GABBR1: variants seen among roughly 807,000 people sequenced by gnomAD.
GABBR1 encodes gamma-aminobutyric acid type B receptor subunit 1.
A neutral mutation model predicts 117.7 loss-of-function variants in GABBR1; 35 were observed. That is an observed-to-expected ratio of 0.30 (90% confidence interval 0.23 to 0.39). GABBR1 has a LOEUF of 0.39. GABBR1 is among the 10% of genes least tolerant of loss of function. The pLI is 1.00. For synonymous variants in GABBR1, 442 were observed against 486.6 expected, an observed-to-expected ratio of 0.91 and a Z score of 1.21; for missense variants, 709 against 1,241.8, an observed-to-expected ratio of 0.57 and a Z score of 6.45.
At position 29,604,374 on chromosome 6, in the gene GABBR1, C is replaced by G; in HGVS notation, c.2712+120G>C. ...TCCTTACAGGTTGTCTCCTAGGACC[C>G]TCCCTCCATGAGCCAAGAACATCTG... On this transcript the variant is annotated intron_variant, in intron 22 of 22. Transcript: ENST00000377034. This position sits in a 1 kb window ranked among gnomAD's most constrained non-coding sequence, Gnocchi z 5.3. 2 of 1,262,032 alleles carry G rather than the reference C, an allele frequency of 1.6e-6. No homozygotes were observed. Among genetic ancestry groups the G allele is most frequent in the Non-Finnish European group, 2.3e-6 (2 of 873,296 alleles). The allele number at this position is 1,262,032 out of a possible 1,614,324, so 78.2% of individuals were successfully genotyped here.
At position 29,624,029 on chromosome 6, in the gene GABBR1, A is replaced by C; in HGVS notation, c.658-5T>G. 3.7e-6 allele frequency: 6 copies of C among 1,608,808 alleles called. No homozygotes were observed. Among genetic ancestry groups the C allele is most frequent in the Non-Finnish European group, 5.1e-6 (6 of 1,177,398 alleles). On this transcript the variant is annotated splice_region_variant and splice_polypyrimidine_tract_variant and intron_variant, in intron 6 of 22. Coordinates refer to ENST00000377034, the MANE Select transcript of GABBR1 (RefSeq NM_001470.4). ...GGTGGCTTGGCCTGGATCACACTGAAAGACAAGAGGAGATGAGGGCAAGCT... is the reference window on the plus strand; with the variant it reads ...GGTGGCTTGGCCTGGATCACACTGACAGACAAGAGGAGATGAGGGCAAGCT...
At chr6:29,618,045 C>T (rs559781160) in intron 11 of GABBR1, among the ~76,000 whole-genome samples, 1 of 152,272 alleles carries the variant, frequency 6.6e-6, no homozygotes, top group Admixed American at 6.5e-5. Flanking sequence ...CTAATCCATA[C>T]TCTTACCAGC....
intron 5 of GABBR1, chr6:29,628,191 AGGGGAGGGGG>A: frequency 5.6e-6 from 1 of 177,890 alleles, no homozygotes; most frequent in Non-Finnish European, 6.3e-6. Context: ...AGGGGCGGGG[AGGGGAGGGGG>A]GATGCAACCT....
chr6:29,613,714 G>A lies in GABBR1; in HGVS notation c.1324-229C>T, dbSNP rs1762791748. 6.6e-6 allele frequency among the ~76,000 whole-genome samples: 1 copy of A among 152,228 alleles called. No homozygotes were observed. Among genetic ancestry groups the A allele is most frequent in the African/African-American group, 2.4e-5 (1 of 41,452 alleles). On this transcript the variant is annotated intron_variant, in intron 11 of 22. Transcript: ENST00000377034. This position sits in a 1 kb window ranked among gnomAD's most constrained non-coding sequence, Gnocchi z 4.1. ...TAGCTGTGTCTGATGGTGTTAGTGT[G>A]TACAGTTGCTAGCTCAGAACTGCAA...
At chr6:29,608,575 A>G (rs1162473598) in intron 16 of GABBR1, 26 bp downstream of exon 16, 1 of 1,609,344 alleles carries the variant, frequency 6.2e-7, no homozygotes. Flanking sequence ...CACATCCTGT[A>G]AGGAATTTGC....
chr6:29,605,156 A>C lies in GABBR1; in HGVS notation c.2440-168T>G. On this transcript the variant is annotated intron_variant, in intron 20 of 22. Coordinates refer to ENST00000377034, the MANE Select transcript of GABBR1 (RefSeq NM_001470.4). This position sits in a 1 kb window ranked among gnomAD's most constrained non-coding sequence, Gnocchi z 4.2. ...TCAAATATAGATTGAGAAAAATCTC[A>C]AACTGTCCCAAACCAGTTTTCACTC... 2.7e-6 allele frequency: 2 copies of C among 735,642 alleles called. No individual in the cohort carries two copies. Among genetic ancestry groups the C allele is most frequent in the Non-Finnish European group, 4.3e-6 (2 of 468,732 alleles). The allele number at this position is 735,642 out of a possible 1,614,324, so 45.6% of individuals were successfully genotyped here.
Position 29,621,988 on chromosome 6 carries a change from A to G in GABBR1, c.1065+116T>C. On this transcript the variant is annotated intron_variant, in intron 9 of 22. Coordinates refer to ENST00000377034, the MANE Select transcript of GABBR1 (RefSeq NM_001470.4). The surrounding 1 kb of genome is among the most constrained non-coding windows in gnomAD (Gnocchi z 5.0). ...AGATGGAGCTAAACTTCCCCAGGAG[A>G]TGCTATTGCCTCAGAGAATCAAAAC... The G allele has an allele frequency of 9.5e-7, 1 of 1,051,680 alleles. No homozygotes were observed. Among genetic ancestry groups the G allele is most frequent in the Non-Finnish European group, 1.4e-6 (1 of 691,462 alleles). The allele number at this position is 1,051,680 out of a possible 1,614,324, so 65.1% of individuals were successfully genotyped here. A position where few individuals can be genotyped will look rare whatever the true frequency, so the allele number is the denominator to read the frequency against.
chr6:29,623,239 C>T lies in GABBR1; in HGVS notation c.963+66G>A, dbSNP rs1302329558. 17 of 1,448,122 alleles carry T rather than the reference C, an allele frequency of 1.2e-5. No homozygotes were observed. Among genetic ancestry groups the T allele is most frequent in the Non-Finnish European group, 1.5e-5 (16 of 1,052,496 alleles). 89.7% of individuals were successfully genotyped at this position (1,448,122 alleles called of 1,614,324 possible). ...TTCTTGCCCCTAAAAGTGACTCTCA[C>T]GTCACATCTCCTGGTGCTGGAATTT... is the stretch of plus-strand genomic sequence containing the variant. On this transcript the variant is annotated intron_variant, in intron 8 of 22. Coordinates refer to ENST00000377034, the MANE Select transcript of GABBR1 (RefSeq NM_001470.4). The surrounding 1 kb of genome is among the most constrained non-coding windows in gnomAD (Gnocchi z 6.2).
Position 29,621,203 on chromosome 6 carries a change from A to G in GABBR1, c.1221T>C (p.Ser407=), listed in dbSNP as rs1167919117. ...TCATCTCATCCACTGTGCAGTTGAT[A>G]GAAGGGTCGTAGATCTTGAACCAAT... ...ADNWFKIYDP[S]INCTVDEMTE... The change falls in exon 11 of 23, where the codon TCT becomes TCC. Residue 407 remains serine (S), a synonymous_variant. Coordinates refer to ENST00000377034, the MANE Select transcript of GABBR1 (RefSeq NM_001470.4). The surrounding 1 kb of genome is among the most constrained non-coding windows in gnomAD (Gnocchi z 5.0). 6.2e-7 allele frequency: 1 copy of G among 1,612,890 alleles called. No homozygotes were observed. Among genetic ancestry groups the G allele is most frequent in the Non-Finnish European group, 8.5e-7 (1 of 1,179,946 alleles).
chr6:29,603,559 T>C lies in GABBR1; in HGVS notation c.2870A>G (p.His957Arg), dbSNP rs1582942304. The C allele has an allele frequency of 6.3e-7, 1 of 1,582,580 alleles. No individual in the cohort carries two copies. Among genetic ancestry groups the C allele is most frequent in the Non-Finnish European group, 8.6e-7 (1 of 1,165,116 alleles). The change falls in exon 23 of 23, where the codon CAT becomes CGT. Residue 957 changes from histidine to arginine, a missense_variant. His to Arg is a conservative substitution (Grantham distance 29). Around this residue, in one of 9 missense-constraint regions of GABBR1, gnomAD observed 69 missense variants for 64.3 expected, o/e 1.07. Transcript: ENST00000377034. The stretch of plus-strand genomic sequence containing the variant: ...ACCCTACCCTCACTTATAAAGCAAA[T>C]GCACTCGACTCCCATCACAGCTAAG... ...DRLSCDGSRV[H>R]LLYK
Position 29,606,702 on chromosome 6 carries a change from C to T in GABBR1, c.2217+195G>A. Reference sequence around the variant, plus strand: ...GTTCTACACACCCTTCCCAGATTCCCACCCCTTCCTTTCTTCAGCTGAATC... The same window carrying T: ...GTTCTACACACCCTTCCCAGATTCCTACCCCTTCCTTTCTTCAGCTGAATC... On this transcript the variant is annotated intron_variant, in intron 18 of 22. Coordinates refer to ENST00000377034, the MANE Select transcript of GABBR1 (RefSeq NM_001470.4). The surrounding 1 kb of genome is among the most constrained non-coding windows in gnomAD (Gnocchi z 4.5). 6 of 632,808 alleles carry T rather than the reference C, an allele frequency of 9.5e-6. No homozygotes were observed. The highest frequency in any genetic ancestry group is 1.7e-5 in the Non-Finnish European group (6 of 362,058). The allele number at this position is 632,808 out of a possible 1,614,324, so 39.2% of individuals were successfully genotyped here. A position where few individuals can be genotyped will look rare whatever the true frequency, so the allele number is the denominator to read the frequency against.
Position 29,603,483 on chromosome 6 carries a change from C to T in GABBR1, c.*60G>A, listed in dbSNP as rs1447036307. ...ATGGGGACCCCCTGCTTCCTGAGTC[C>T]CCTGCCCTTCCCCTCTCCCTTTCCC... is the stretch of plus-strand genomic sequence containing the variant. On this transcript the variant is annotated 3_prime_UTR_variant, in exon 23 of 23. Coordinates refer to ENST00000377034, the MANE Select transcript of GABBR1 (RefSeq NM_001470.4). 6.8e-7 allele frequency: 1 copy of T among 1,461,046 alleles called. No individual in the cohort carries two copies. The highest frequency in any genetic ancestry group is 1.4e-5 in the African/African-American group (1 of 71,364). 90.5% of individuals were successfully genotyped at this position (1,461,046 alleles called of 1,614,324 possible).
Position 29,609,594 on chromosome 6 carries a change from G to C in GABBR1, c.1709-215C>G, listed in dbSNP as rs1487379820. On this transcript the variant is annotated intron_variant, in intron 14 of 22. Transcript: ENST00000377034. The surrounding 1 kb of genome is among the most constrained non-coding windows in gnomAD (Gnocchi z 4.3). ...GCCGTTAGGAAGCAACCAGAAATGAGATGAGAAGATGGAGTGAATGGTCTA... is the reference window on the plus strand; with the variant it reads ...GCCGTTAGGAAGCAACCAGAAATGACATGAGAAGATGGAGTGAATGGTCTA... Among the ~76,000 whole-genome samples the C allele has an allele frequency of 1.3e-5, 2 of 152,198 alleles. No individual in the cohort carries two copies. Among genetic ancestry groups the C allele is most frequent in the African/African-American group, 4.8e-5 (2 of 41,428 alleles).
chr6:29,612,264 C>T (rs1233985772), intron 13 of GABBR1, among the ~76,000 whole-genome samples: 1 of 151,910 alleles, frequency 6.6e-6, no homozygotes, highest in African/African-American at 2.4e-5. Context: ...ATCTGCCTGC[C>T]TTGGCCTCCC....
Position 29,602,974 on chromosome 6 carries a change from G to C in GABBR1, c.*569C>G, listed in dbSNP as rs916397947. On this transcript the variant is annotated 3_prime_UTR_variant, in exon 23 of 23. Coordinates refer to ENST00000377034, the MANE Select transcript of GABBR1 (RefSeq NM_001470.4). ...CATGTGTGCTGAGCGTGAGTGCACA[G>C]AGCAGAGGCAAGGAGCATGTGAGCC... is the stretch of plus-strand genomic sequence containing the variant. 1 of 456,700 alleles carries C rather than the reference G, an allele frequency of 2.2e-6. No homozygotes were observed. Among genetic ancestry groups the C allele is most frequent in the African/African-American group, 2.0e-5 (1 of 50,210 alleles). The allele number at this position is 456,700 out of a possible 1,614,324, so 28.3% of individuals were successfully genotyped here.
chr6:29,605,806 C>T lies in GABBR1; in HGVS notation c.2312-110G>A, dbSNP rs898993684. 7.5e-7 allele frequency: 1 copy of T among 1,338,402 alleles called. No homozygotes were observed. Among genetic ancestry groups the T allele is most frequent in the Non-Finnish European group, 1.0e-6 (1 of 980,280 alleles). The allele number at this position is 1,338,402 out of a possible 1,614,324, so 82.9% of individuals were successfully genotyped here. Reference sequence around the variant, plus strand: ...ACTCTGAAATGGAAAGGGGGCCCTCCTCTCCAATCCAACCCCTCTGACCTA... The same window carrying T: ...ACTCTGAAATGGAAAGGGGGCCCTCTTCTCCAATCCAACCCCTCTGACCTA... On this transcript the variant is annotated intron_variant, in intron 19 of 22. Coordinates refer to ENST00000377034, the MANE Select transcript of GABBR1 (RefSeq NM_001470.4). This position sits in a 1 kb window ranked among gnomAD's most constrained non-coding sequence, Gnocchi z 4.2.
intron 16 of GABBR1, 68 bp downstream of exon 16, chr6:29,608,533 A>T: frequency 6.6e-7 from 1 of 1,519,998 alleles, no homozygotes; most frequent in Non-Finnish European, 9.0e-7. Flanking sequence ...ATCATAAATC[A>T]TGGAAGGTGC....
At position 29,630,679 on chromosome 6, in the gene GABBR1, T is replaced by A. The variant is rs761226412; in HGVS notation, c.290-36A>T. 1.9e-6 allele frequency: 3 copies of A among 1,571,228 alleles called. No homozygotes were observed. The highest frequency in any genetic ancestry group is 2.6e-6 in the Non-Finnish European group (3 of 1,146,512). ...ATAGGAAAATAAGAAGAGAGGCGAG[T>A]TGAAGAAGGCTCTTTCCCTTTAAAG... On this transcript the variant is annotated intron_variant, in intron 3 of 22. Coordinates refer to ENST00000377034, the MANE Select transcript of GABBR1 (RefSeq NM_001470.4). The surrounding 1 kb of genome is among the most constrained non-coding windows in gnomAD (Gnocchi z 4.9).
chr6:29,608,497 G>C, intron 16 of GABBR1, 104 bp downstream of exon 16: 1 of 1,236,720 alleles, frequency 8.1e-7, no homozygotes, highest in South Asian at 1.4e-5. Flanking sequence ...CAAGAGTCAG[G>C]GAAAGCTGAG....
Sources: gnomAD v4.1 joint callset for allele counts (sites outside exome capture counted in the v4.1 genomes callset) on GRCh38, gnomAD v4.1.1 for gene constraint, gnomAD v4.1.1 regional missense constraint, Gnocchi (gnomAD v3.1) non-coding constraint, MANE v1.5 for transcripts, NCBI Gene and HGNC (gene_info 2026-07-23, HGNC 2026-07-21) for gene names.